Variants in DPYSL3 observed in about 807,000 individuals in gnomAD.
DPYSL3 encodes the protein dihydropyrimidinase like 3.
Under a neutral mutation model 66.1 loss-of-function variants are expected in DPYSL3, and 16 were observed. The observed-to-expected ratio is 0.24, with a 90% CI of 0.16 to 0.37. The LOEUF is 0.37. Among genes scored for constraint, DPYSL3 ranks in the 10% least tolerant of loss-of-function variants. DPYSL3 has a pLI of 1.00. For synonymous variants in DPYSL3, 338 were observed against 345.1 expected, an observed-to-expected ratio of 0.98 and a Z score of 0.23; for missense variants, 738 against 916.2, an observed-to-expected ratio of 0.81 and a Z score of 2.51.
At chr5:147,408,459 T>C (rs573916883) in intron 7 of DPYSL3, among the ~76,000 whole-genome samples, 1 of 152,340 alleles carries the variant, frequency 6.6e-6, no homozygotes, top group South Asian at 2.1e-4. Context: ...CACTGAGATT[T>C]CCTTAAGAAA....
intron 13 of DPYSL3, among the ~76,000 whole-genome samples, 196 bp from the exon 14 acceptor site, chr5:147,394,319 G>C (rs1447655361): frequency 6.6e-6 from 1 of 152,146 alleles, no homozygotes; most frequent in Non-Finnish European, 1.5e-5. Flanking sequence ...ACTAGCCTCT[G>C]GTAGGAAAAG....
intron 1 of DPYSL3, among the ~76,000 whole-genome samples, chr5:147,503,131 T>G (rs1753639446): frequency 6.6e-6 from 1 of 152,184 alleles, no homozygotes; most frequent in African/African-American, 2.4e-5. Flanking sequence ...AATGACTAAG[T>G]TGTTAGAACC....
chr5:147,395,418 G>C, intron 13 of DPYSL3, 141 bp downstream of exon 13: 1 of 1,036,846 alleles, frequency 9.6e-7, no homozygotes, highest in Non-Finnish European at 1.4e-6. Flanking sequence ...GCTTGCCCCA[G>C]TAACCTTCTC....
intron 1 of DPYSL3, among the ~76,000 whole-genome samples, chr5:147,471,104 A>G (rs570906550): frequency 6.6e-6 from 1 of 152,284 alleles, no homozygotes; most frequent in African/African-American, 2.4e-5. Context: ...TGCTACATAC[A>G]TGCATGCATA....
chr5:147,440,199 A>AG (rs767421704), intron 1 of DPYSL3, among the ~76,000 whole-genome samples: 5 of 152,138 alleles, frequency 3.3e-5, no homozygotes, highest in Admixed American at 6.5e-5. Flanking sequence ...GCTACTCGGG[A>AG]GGCTGAGGCA....
intron 1 of DPYSL3, among the ~76,000 whole-genome samples, chr5:147,475,815 C>T (rs1753147649): frequency 6.6e-6 from 1 of 152,048 alleles, no homozygotes; most frequent in Admixed American, 6.5e-5. Context: ...TTTGAGCAGA[C>T]AGTTATCCTG....
At chr5:147,453,734 C>T (rs868662576) in intron 1 of DPYSL3, 9 of 1,314,572 alleles carry the variant, frequency 6.8e-6, no homozygotes, top group Non-Finnish European at 6.8e-6. Flanking sequence ...CCTCCGCCCC[C>T]CTCCCGGGCT....
At chr5:147,491,797 T>C (rs924882803) in intron 1 of DPYSL3, among the ~76,000 whole-genome samples, 1 of 149,878 alleles carries the variant, frequency 6.7e-6, no homozygotes, top group African/African-American at 2.4e-5. Context: ...ATCCAAGAAC[T>C]GTGGGACAAC....
chr5:147,409,344 C>A (rs1433446760), intron 6 of DPYSL3, among the ~76,000 whole-genome samples: 1 of 152,226 alleles, frequency 6.6e-6, no homozygotes, highest in Admixed American at 6.5e-5. Context: ...AGATTTCTCA[C>A]CCATCCTAGC....
At chr5:147,495,672 C>T (rs1753490408) in intron 1 of DPYSL3, among the ~76,000 whole-genome samples, 1 of 152,080 alleles carries the variant, frequency 6.6e-6, no homozygotes, top group South Asian at 2.1e-4. Flanking sequence ...AATAAAATAC[C>T]TAGGAATCCA....
intron 12 of DPYSL3, 35 bp downstream of exon 12, chr5:147,397,631 C>G (rs1758030246): frequency 6.3e-7 from 1 of 1,598,548 alleles, no homozygotes; most frequent in African/African-American, 1.3e-5. Flanking sequence ...GAACACAAAG[C>G]TCCTGCACCA....
At chr5:147,488,809 G>A (rs1358888120) in intron 1 of DPYSL3, among the ~76,000 whole-genome samples, 1 of 151,972 alleles carries the variant, frequency 6.6e-6, no homozygotes, top group Non-Finnish European at 1.5e-5. Context: ...GAGGTCAGGA[G>A]TTCGAGACCA....
intron 1 of DPYSL3, among the ~76,000 whole-genome samples, chr5:147,458,081 G>A (rs186916620): frequency 5.5e-4 from 84 of 152,278 alleles, no homozygotes; most frequent in African/African-American, 1.9e-3. Flanking sequence ...TGTCAGAGGC[G>A]TGTTAACCAG....
At chr5:147,507,959 C>A (rs943350701) in intron 1 of DPYSL3, among the ~76,000 whole-genome samples, 1 of 152,196 alleles carries the variant, frequency 6.6e-6, no homozygotes, top group Non-Finnish European at 1.5e-5. Context: ...CTACTCCCGC[C>A]CGTTCCAGTC....
intron 1 of DPYSL3, among the ~76,000 whole-genome samples, chr5:147,504,641 C>T (rs1220205969): frequency 6.6e-6 from 1 of 152,172 alleles, no homozygotes; most frequent in Non-Finnish European, 1.5e-5. Context: ...AAACTTTTAG[C>T]CCAGGAAAAA....
intron 1 of DPYSL3, among the ~76,000 whole-genome samples, chr5:147,491,645 G>A (rs1753416586): frequency 6.6e-6 from 1 of 152,004 alleles, no homozygotes; most frequent in Admixed American, 6.6e-5. Context: ...CAACATTAAT[G>A]ACGAATGCTT....
chr5:147,453,696 G>T (rs1242920541), intron 1 of DPYSL3: 21 of 1,350,544 alleles, frequency 1.6e-5, no homozygotes, highest in South Asian at 1.9e-5. Context: ...AGTGAATGGT[G>T]CGCTGGCCGC....
intron 4 of DPYSL3, among the ~76,000 whole-genome samples, chr5:147,414,118 T>C (rs1751915080): frequency 6.6e-6 from 1 of 152,126 alleles, no homozygotes; most frequent in Non-Finnish European, 1.5e-5. Context: ...AAAATAACAA[T>C]ACCCTACTTC....
chr5:147,452,688 C>T (rs1752754863), intron 1 of DPYSL3, among the ~76,000 whole-genome samples: 1 of 152,100 alleles, frequency 6.6e-6, no homozygotes, highest in Non-Finnish European at 1.5e-5. Flanking sequence ...CGTCCCCTCT[C>T]CACCCCGCCC....
Sources: allele counts gnomAD v4.1 joint callset (sites outside exome capture counted in the v4.1 genomes callset), GRCh38; gene constraint gnomAD v4.1.1; transcripts MANE v1.5; gene names NCBI Gene and HGNC (gene_info 2026-07-23, HGNC 2026-07-21).